SNAPC3: variants seen among roughly 807,000 people sequenced by gnomAD.
SNAPC3 encodes small nuclear RNA activating complex polypeptide 3.
A neutral mutation model predicts 47.7 loss-of-function variants in SNAPC3; 56 were observed. The observed-to-expected ratio is 1.18, with a 90% CI of 0.95 to 1.47. SNAPC3 has a LOEUF of 1.47. Ranked by LOEUF, SNAPC3 falls within the 40% of genes most tolerant of loss-of-function variation. SNAPC3 has a pLI of 0.00. For synonymous variants in SNAPC3, 235 were observed against 189.9 expected, an observed-to-expected ratio of 1.24 and a Z score of -1.95; for missense variants, 665 against 511.3, an observed-to-expected ratio of 1.30 and a Z score of -2.90.
chr9:15,435,102 C>A (rs1371459002), intron 3 of SNAPC3, among the ~76,000 whole-genome samples: 1 of 152,004 alleles, frequency 6.6e-6, no homozygotes, highest in African/African-American at 2.4e-5. Context: ...TTAATAATAG[C>A]CATCCTTGTG....
downstream of SNAPC3, chr9:15,465,456 G>C (rs184011579): frequency 5.0e-4 from 683 of 1,366,632 alleles, 6 homozygotes; most frequent in East Asian, 0.014. Context: ...ACTTTCAGCA[G>C]TCTATTTCAA....
intron 3 of SNAPC3, among the ~76,000 whole-genome samples, chr9:15,440,477 GT>G (rs142154800): frequency 6.6e-6 from 1 of 151,620 alleles, no homozygotes; most frequent in Non-Finnish European, 1.5e-5. Context: ...GACAGGTTTT[GT>G]TTTTTTTCTT....
At position 15,459,955 on chromosome 9, in the gene SNAPC3, AG is replaced by A. The variant is rs2035080188; in HGVS notation, c.*91del. On this transcript the variant is annotated 3_prime_UTR_variant, in exon 9 of 9. Coordinates refer to ENST00000380821, the MANE Select transcript of SNAPC3 (RefSeq NM_001039697.2). ...TTTCTAAGAAACGCCACTGAGGAAC[AG>A]GATCCACTTTGAACAGTCCGCTAAA... The A allele has an allele frequency of 8.1e-7, 1 of 1,236,362 alleles. No individual in the cohort carries two copies. The highest frequency in any genetic ancestry group is 1.1e-6 in the Non-Finnish European group (1 of 878,976). The allele number at this position is 1,236,362 out of a possible 1,614,324, so 76.6% of individuals were successfully genotyped here. A position where few individuals can be genotyped will look rare whatever the true frequency, so the allele number is the denominator to read the frequency against.
At chr9:15,452,490 G>T (rs2034464406) in intron 6 of SNAPC3, among the ~76,000 whole-genome samples, 1 of 152,008 alleles carries the variant, frequency 6.6e-6, no homozygotes. Flanking sequence ...GGCTGATTTT[G>T]TATTTTTAGT....
intron 3 of SNAPC3, among the ~76,000 whole-genome samples, chr9:15,443,624 G>C (rs2033689597): frequency 6.6e-6 from 1 of 152,092 alleles, no homozygotes; most frequent in African/African-American, 2.4e-5. Flanking sequence ...TTCCAATATA[G>C]ATCCTGCTGG....
At chr9:15,447,676 T>C (rs1268996386) in intron 5 of SNAPC3, among the ~76,000 whole-genome samples, 1 of 152,186 alleles carries the variant, frequency 6.6e-6, no homozygotes, top group Non-Finnish European at 1.5e-5. Context: ...AGCATATGAC[T>C]TTGCTGTTCA....
rs1403802427 is a variant in SNAPC3, at chr9:15,457,960, G to C, written c.981G>C (p.Arg327Ser). 6.4e-7 allele frequency: 1 copy of C among 1,561,826 alleles called. No individual in the cohort carries two copies. Among genetic ancestry groups the C allele is most frequent in the Non-Finnish European group, 8.7e-7 (1 of 1,152,630 alleles). ...ATCTTTATTTTCCCACGAACAAAAGGCTTGTGCATCATGATGACTGCTTGG... is the reference window on the plus strand; with the variant it reads ...ATCTTTATTTTCCCACGAACAAAAGCCTTGTGCATCATGATGACTGCTTGG... Reference protein sequence around the residue: ...CEHVIVITDIRLVHHDDCLDR... With the variant: ...CEHVIVITDISLVHHDDCLDR... Residue 327 changes from arginine (R) to serine (S), a missense_variant and splice_region_variant, in exon 8 of 9, where the codon AGG becomes AGC. Physicochemically the swap from Arg to Ser is moderately radical, Grantham distance 110 (BLOSUM62 -1). Transcript: ENST00000380821.
At chr9:15,449,092 T>G (rs1212970993) in intron 5 of SNAPC3, among the ~76,000 whole-genome samples, 1 of 152,132 alleles carries the variant, frequency 6.6e-6, no homozygotes, top group East Asian at 1.9e-4. Flanking sequence ...TTACAAGGTG[T>G]GAGCCACCGT....
At chr9:15,425,439 A>T (rs1378904157) in intron 2 of SNAPC3, among the ~76,000 whole-genome samples, 5 of 151,996 alleles carry the variant, frequency 3.3e-5, no homozygotes, top group African/African-American at 4.8e-5. Flanking sequence ...GGCTGGTTTC[A>T]ACTCCTGACC....
chr9:15,441,120 G>A (rs2033310399), intron 3 of SNAPC3, among the ~76,000 whole-genome samples: 1 of 150,658 alleles, frequency 6.6e-6, no homozygotes, highest in Non-Finnish European at 1.5e-5. Flanking sequence ...TTTTAAAGTT[G>A]ATACATAATG....
At chr9:15,450,903 T>G (rs563564820) in intron 5 of SNAPC3, among the ~76,000 whole-genome samples, 1 of 152,336 alleles carries the variant, frequency 6.6e-6, no homozygotes, top group Non-Finnish European at 1.5e-5. Context: ...AGATTCTGTC[T>G]GCCTAAGAGT....
intron 3 of SNAPC3, among the ~76,000 whole-genome samples, chr9:15,434,536 C>G (rs1463189424): frequency 3.3e-5 from 5 of 151,720 alleles, no homozygotes; most frequent in Non-Finnish European, 7.4e-5. Flanking sequence ...GCCTTTTAAG[C>G]AGCTGGGATT....
intron 3 of SNAPC3, among the ~76,000 whole-genome samples, chr9:15,442,428 GGC>G (rs2033527354): frequency 6.6e-6 from 1 of 151,248 alleles, no homozygotes; most frequent in African/African-American, 2.4e-5. Flanking sequence ...GCGGCTGCCG[GGC>G]GGAGGGCCTC....
intron 3 of SNAPC3, among the ~76,000 whole-genome samples, chr9:15,439,761 T>G (rs2033157418): frequency 1.3e-5 from 2 of 152,212 alleles, no homozygotes; most frequent in Non-Finnish European, 2.9e-5. Flanking sequence ...CTGGAACTCC[T>G]AACCTCAAGT....
intron 8 of SNAPC3, 108 bp from the exon 9 acceptor site, chr9:15,459,611 C>G (rs1362620412): frequency 1.1e-5 from 9 of 846,692 alleles, no homozygotes; most frequent in African/African-American, 3.4e-5. Flanking sequence ...TAATAACAGA[C>G]TGATAAGGAA....
chr9:15,455,193 C>A (rs2034684521), intron 7 of SNAPC3, among the ~76,000 whole-genome samples: 1 of 152,028 alleles, frequency 6.6e-6, no homozygotes, highest in Non-Finnish European at 1.5e-5. Flanking sequence ...GAGGCAAGAG[C>A]CAGAAGAATA....
At chr9:15,445,591 T>C (rs986319231) in intron 4 of SNAPC3, among the ~76,000 whole-genome samples, 16 of 151,784 alleles carry the variant, frequency 1.1e-4, no homozygotes, top group Admixed American at 9.2e-4. Flanking sequence ...GTTGCACTTA[T>C]GAATAAATAG....
At chr9:15,443,006 C>CA (rs968221784) in intron 3 of SNAPC3, among the ~76,000 whole-genome samples, 1 of 152,106 alleles carries the variant, frequency 6.6e-6, no homozygotes, top group East Asian at 1.9e-4. Context: ...CCGTCTCCAC[C>CA]AAAAAAATAT....
intron 2 of SNAPC3, among the ~76,000 whole-genome samples, chr9:15,429,987 A>C (rs1329315083): frequency 6.6e-6 from 1 of 152,228 alleles, no homozygotes; most frequent in Non-Finnish European, 1.5e-5. Flanking sequence ...AAAGTATTAC[A>C]TGTGATAAAG....
Sources: gnomAD v4.1 joint callset for allele counts (sites outside exome capture counted in the v4.1 genomes callset) on GRCh38, gnomAD v4.1.1 for gene constraint, MANE v1.5 for transcripts, NCBI Gene and HGNC (gene_info 2026-07-23, HGNC 2026-07-21) for gene names.